GRM5: variants seen among roughly 807,000 people sequenced by gnomAD.
The protein encoded by GRM5 is glutamate metabotropic receptor 5.
In GRM5, 19 loss-of-function variants were observed where a neutral mutation model predicts 83.1. That is an observed-to-expected ratio of 0.23 (90% CI 0.16 to 0.34). The LOEUF is 0.34. Ranked by LOEUF, GRM5 falls within the 10% of genes least tolerant of loss-of-function variation. The pLI, the probability that GRM5 is intolerant of heterozygous loss-of-function variation, is 1.00. For missense variants in GRM5, 1,160 were observed against 1,588.3 expected (o/e 0.73, Z 4.58); for synonymous variants, 675 against 633.6 (o/e 1.07, Z -0.98).
chr11:88,631,455 GATTGT>G (rs1279253063), intron 4 of GRM5, among the ~76,000 whole-genome samples: 1 of 151,976 alleles, frequency 6.6e-6, no homozygotes, highest in African/African-American at 2.4e-5. Context: ...AAGCACAATC[GATTGT>G]AAGTGTAAAG....
At chr11:88,675,151 G>T (rs1382497653) in intron 3 of GRM5, among the ~76,000 whole-genome samples, 1 of 151,818 alleles carries the variant, frequency 6.6e-6, no homozygotes, top group Non-Finnish European at 1.5e-5. Flanking sequence ...AGTCTTCTGT[G>T]ATCCTACATG....
At chr11:88,940,549 T>C (rs188475404) in intron 2 of GRM5, among the ~76,000 whole-genome samples, 3 of 151,590 alleles carry the variant, frequency 2.0e-5, no homozygotes, top group Middle Eastern at 3.4e-3. Context: ...TAAAAATAAA[T>C]ACAGATAATC....
chr11:88,833,281 G>A (rs1022805100), intron 3 of GRM5, among the ~76,000 whole-genome samples: 8 of 151,474 alleles, frequency 5.3e-5, no homozygotes, highest in Non-Finnish European at 1.2e-4. Context: ...ACTAACTCCC[G>A]CTGCCCCCCC....
At chr11:88,542,692 C>T (rs944605558) in intron 8 of GRM5, among the ~76,000 whole-genome samples, 9 of 152,164 alleles carry the variant, frequency 5.9e-5, no homozygotes, top group Non-Finnish European at 1.3e-4. Context: ...AGCCTCTCAA[C>T]TCAAGGAGCT....
At chr11:88,786,532 C>G (rs764690425) in intron 3 of GRM5, among the ~76,000 whole-genome samples, 6 of 152,132 alleles carry the variant, frequency 3.9e-5, no homozygotes, top group Non-Finnish European at 8.8e-5. Context: ...AGACTCTTTG[C>G]TACTTGCGCA....
chr11:88,623,029 A>C (rs931160773), intron 4 of GRM5, among the ~76,000 whole-genome samples: 2 of 152,172 alleles, frequency 1.3e-5, no homozygotes, highest in African/African-American at 4.8e-5. Flanking sequence ...CCTAGCAAGC[A>C]ACTGCTTGTT....
intron 3 of GRM5, among the ~76,000 whole-genome samples, chr11:88,681,564 C>CCTTTTTTTTTTTTTTTTT (rs1940488264): frequency 1.0e-4 from 2 of 19,346 alleles, no homozygotes; most frequent in Non-Finnish European, 2.8e-4. Context: ...TTGAGTTCTT[C>CCTTTTTTTTTTTTTTTTT]CTTTTTTTTT....
At chr11:89,020,796 C>T (rs1025678291) in intron 2 of GRM5, among the ~76,000 whole-genome samples, 1 of 152,122 alleles carries the variant, frequency 6.6e-6, no homozygotes, top group Non-Finnish European at 1.5e-5. Flanking sequence ...CAAGCATGAT[C>T]CTTAGGGCTG....
chr11:88,793,596 G>A (rs971039841), intron 3 of GRM5, among the ~76,000 whole-genome samples: 3 of 152,162 alleles, frequency 2.0e-5, no homozygotes, highest in Non-Finnish European at 4.4e-5. Flanking sequence ...CATTCCTAAT[G>A]TGGATATAAA....
At chr11:88,853,724 T>C (rs1944425092) in intron 2 of GRM5, among the ~76,000 whole-genome samples, 1 of 151,716 alleles carries the variant, frequency 6.6e-6, no homozygotes, top group African/African-American at 2.4e-5. Context: ...TAAACTAGCA[T>C]ACTTAAAAGT....
chr11:89,054,875 G>A (rs35073545), intron 1 of GRM5, among the ~76,000 whole-genome samples: 20 of 152,294 alleles, frequency 1.3e-4, no homozygotes, highest in South Asian at 6.2e-4. Flanking sequence ...TGTTCTCTGG[G>A]TAGTAAAAAT....
intron 3 of GRM5, among the ~76,000 whole-genome samples, chr11:88,658,940 G>A (rs1368859338): frequency 6.6e-6 from 1 of 152,112 alleles, no homozygotes; most frequent in Non-Finnish European, 1.5e-5. Context: ...AGTGGGAAAT[G>A]ATACAAAGAC....
chr11:88,667,356 C>T (rs896658412), intron 3 of GRM5, among the ~76,000 whole-genome samples: 1 of 152,002 alleles, frequency 6.6e-6, no homozygotes, highest in Non-Finnish European at 1.5e-5. Flanking sequence ...ATTTCCAAAA[C>T]CAAATGTGCA....
At chr11:88,770,898 G>T (rs930380111) in intron 3 of GRM5, among the ~76,000 whole-genome samples, 2 of 152,092 alleles carry the variant, frequency 1.3e-5, no homozygotes, top group Admixed American at 1.3e-4. Context: ...CTTAGCGTCA[G>T]AATGGATTCC....
At chr11:88,647,584 T>A (rs1005109811) in intron 4 of GRM5, among the ~76,000 whole-genome samples, 11 of 152,110 alleles carry the variant, frequency 7.2e-5, no homozygotes, top group Admixed American at 2.6e-4. Flanking sequence ...ATTCAGGACA[T>A]AGGCATGGGC....
At chr11:88,882,863 G>T (rs1004171384) in intron 2 of GRM5, among the ~76,000 whole-genome samples, 1 of 152,142 alleles carries the variant, frequency 6.6e-6, no homozygotes, top group Non-Finnish European at 1.5e-5. Flanking sequence ...TGAATCATGA[G>T]GGTGGGTCTT....
At chr11:89,020,958 C>T (rs961715173) in intron 2 of GRM5, among the ~76,000 whole-genome samples, 8 of 152,216 alleles carry the variant, frequency 5.3e-5, no homozygotes, top group African/African-American at 1.7e-4. Flanking sequence ...TTCTGTTTAC[C>T]AAGGCTATTT....
intron 3 of GRM5, among the ~76,000 whole-genome samples, chr11:88,763,865 G>A (rs897827512): frequency 6.6e-6 from 1 of 151,684 alleles, no homozygotes; most frequent in African/African-American, 2.4e-5. Flanking sequence ...TGACAGAAAT[G>A]TCACTCCTTA....
At chr11:88,887,571 G>A (rs184406278) in intron 2 of GRM5, among the ~76,000 whole-genome samples, 58 of 152,270 alleles carry the variant, frequency 3.8e-4, no homozygotes, top group African/African-American at 1.3e-3. Context: ...AGTCATGCCT[G>A]CAACTATGGG....
Sources: gnomAD v4.1 joint callset for allele counts (sites outside exome capture counted in the v4.1 genomes callset) on GRCh38, gnomAD v4.1.1 for gene constraint, MANE v1.5 for transcripts, NCBI Gene and HGNC (gene_info 2026-07-23, HGNC 2026-07-21) for gene names.